The following ELP4 variants were observed in gnomAD, a reference collection of about 807,000 sequenced individuals.
ELP4 encodes the protein elongator complex protein 4.
Under a neutral mutation model 48.9 loss-of-function variants are expected in ELP4, and 51 were observed. The observed-to-expected ratio is 1.04, with a 90% confidence interval of 0.83 to 1.32. ELP4 has a LOEUF of 1.32. Among genes scored for constraint, ELP4 ranks in the 40% most tolerant of loss-of-function variants. The pLI is 0.00. For missense variants in ELP4, 519 were observed against 514.6 expected (o/e 1.01, Z -0.08); for synonymous variants, 210 against 189.2 (o/e 1.11, Z -0.90).
At chr11:31,668,100 C>G (rs779474074) in intron 9 of ELP4, among the ~76,000 whole-genome samples, 11 of 152,072 alleles carry the variant, frequency 7.2e-5, no homozygotes, top group Non-Finnish European at 1.3e-4. Context: ...AGAGATTATC[C>G]AAAACAGTAG....
chr11:31,761,687 G>A (rs765000111), intron 9 of ELP4, among the ~76,000 whole-genome samples: 1 of 152,162 alleles, frequency 6.6e-6, no homozygotes, highest in East Asian at 1.9e-4. Context: ...AAAGATATTA[G>A]GGCAAATGAT....
chr11:31,662,767 A>C (rs1945591086), intron 9 of ELP4: 1 of 388,702 alleles, frequency 2.6e-6, no homozygotes, highest in Non-Finnish European at 4.5e-6. Context: ...GAATTTATGC[A>C]ATGTCTTTGA....
chr11:31,776,159 A>C (rs1948243174), intron 9 of ELP4, among the ~76,000 whole-genome samples: 1 of 150,234 alleles, frequency 6.7e-6, no homozygotes, highest in South Asian at 2.1e-4. Flanking sequence ...TCACAAAAAA[A>C]AAAAAAAAAA....
chr11:31,776,152 C>CA (rs371572032), intron 9 of ELP4, among the ~76,000 whole-genome samples: 17,961 of 52,148 alleles, frequency 0.34, 2,802 homozygotes, highest in Non-Finnish European at 0.4. Context: ...CCCTATCTCA[C>CA]AAAAAAAAAA....
chr11:31,614,661 G>A (rs983230001), intron 5 of ELP4, among the ~76,000 whole-genome samples: 1 of 152,168 alleles, frequency 6.6e-6, no homozygotes. Flanking sequence ...CACCAGTAGT[G>A]GGGATGATCA....
At chr11:31,567,892 T>C (rs1957137587) in intron 3 of ELP4, among the ~76,000 whole-genome samples, 1 of 152,204 alleles carries the variant, frequency 6.6e-6, no homozygotes, top group Admixed American at 6.5e-5. Flanking sequence ...GCCTTGATGT[T>C]GATGGCTGCT....
intron 9 of ELP4, among the ~76,000 whole-genome samples, chr11:31,762,597 T>C (rs1372764925): frequency 1.3e-5 from 2 of 152,050 alleles, no homozygotes; most frequent in Non-Finnish European, 2.9e-5. Flanking sequence ...ATGTATGTTC[T>C]TCCTGTAGAT....
chr11:31,693,628 G>A (rs763039635), intron 9 of ELP4, among the ~76,000 whole-genome samples: 5 of 152,164 alleles, frequency 3.3e-5, no homozygotes, highest in Non-Finnish European at 5.9e-5. Flanking sequence ...ACATACGTGT[G>A]CATGTGTCTT....
intron 9 of ELP4, chr11:31,663,270 T>C (rs1056438380): frequency 6.6e-6 from 1 of 151,964 alleles, no homozygotes; most frequent in Non-Finnish European, 1.5e-5. Context: ...TAACTAGAAA[T>C]GTTAAAAGTT....
At chr11:31,608,682 G>C (rs1240459846) in intron 5 of ELP4, among the ~76,000 whole-genome samples, 1 of 151,988 alleles carries the variant, frequency 6.6e-6, no homozygotes, top group Non-Finnish European at 1.5e-5. Context: ...CTTTGAATTT[G>C]GCTAAAATGT....
At chr11:31,674,755 G>A (rs1358968116) in intron 9 of ELP4, among the ~76,000 whole-genome samples, 2 of 152,154 alleles carry the variant, frequency 1.3e-5, no homozygotes, top group Admixed American at 6.5e-5. Context: ...GCCAGGGCAT[G>A]GCTTTTCTCT....
At chr11:31,672,299 T>C (rs1441448497) in intron 9 of ELP4, among the ~76,000 whole-genome samples, 1 of 152,230 alleles carries the variant, frequency 6.6e-6, no homozygotes, top group African/African-American at 2.4e-5. Flanking sequence ...TAAGAACTGT[T>C]CAAATTGTTT....
intron 5 of ELP4, among the ~76,000 whole-genome samples, chr11:31,620,224 G>A (rs1297101475): frequency 6.6e-6 from 1 of 151,976 alleles, no homozygotes; most frequent in African/African-American, 2.4e-5. Flanking sequence ...AGGCAAGTGT[G>A]GAATAGACAG....
intron 5 of ELP4, among the ~76,000 whole-genome samples, chr11:31,624,771 A>G (rs1944703354): frequency 6.6e-6 from 1 of 151,754 alleles, no homozygotes; most frequent in Non-Finnish European, 1.5e-5. Context: ...TTATATTCTT[A>G]TTCTATATGC....
intron 3 of ELP4, chr11:31,541,598 T>A (rs1956592085): frequency 6.6e-6 from 1 of 152,234 alleles, no homozygotes; most frequent in Non-Finnish European, 1.5e-5. Context: ...GAAATGCCTG[T>A]ATATGCTTTT....
chr11:31,776,910 T>A (rs1948259122), intron 9 of ELP4, among the ~76,000 whole-genome samples: 1 of 152,210 alleles, frequency 6.6e-6, no homozygotes, highest in Admixed American at 6.5e-5. Flanking sequence ...TTTAGCAGAA[T>A]TTGCTCCAGA....
rs138258741 is a variant in ELP4, at chr11:31,709,623, G to T, written c.1143+59402G>T. Among the ~76,000 whole-genome samples the T allele has an allele frequency of 4.0e-3, 602 of 152,170 alleles. 4 individuals carry two copies. The highest frequency in any genetic ancestry group is 6.3e-3 in the Non-Finnish European group (430 of 68,002). ...TTACTAATTGTCTGACTTAAAGAAA[G>T]TATCTTAGTTTGACTCTACGTCCTT... is the stretch of plus-strand genomic sequence containing the variant. On this transcript the variant is annotated intron_variant, in intron 9 of 9. Coordinates refer to ENST00000640961, the MANE Select transcript of ELP4 (RefSeq NM_019040.5).
intron 5 of ELP4, among the ~76,000 whole-genome samples, chr11:31,607,794 T>C (rs1315279187): frequency 4.6e-5 from 7 of 152,238 alleles, no homozygotes; most frequent in African/African-American, 1.7e-4. Flanking sequence ...GTTTCTTATA[T>C]TGTCTGAGTT....
chr11:31,721,017 A>G (rs1565126347), intron 9 of ELP4, among the ~76,000 whole-genome samples: 3 of 152,146 alleles, frequency 2.0e-5, no homozygotes, highest in South Asian at 2.1e-4. Flanking sequence ...CTTACTCCCT[A>G]TTTTGTATTT....
Sources: allele counts gnomAD v4.1 joint callset (sites outside exome capture counted in the v4.1 genomes callset), GRCh38; gene constraint gnomAD v4.1.1; transcripts MANE v1.5; gene names NCBI Gene and HGNC (gene_info 2026-07-23, HGNC 2026-07-21).